Variants in SULT1C4 observed in about 807,000 individuals in gnomAD.
SULT1C4 encodes the protein sulfotransferase family 1C member 4, also known as sulfotransferase 1C4.
SULT1C4 carries 32 observed loss-of-function variants against 34.8 expected under a neutral mutation model. That is an observed-to-expected ratio of 0.92 (90% CI 0.69 to 1.23). The LOEUF (loss-of-function observed/expected upper bound fraction) is 1.23, where lower values mean the gene tolerates loss of function less well. Among genes scored for constraint, SULT1C4 ranks in the 50% most tolerant of loss-of-function variants. The pLI is 0.00. For missense variants in SULT1C4, 375 were observed against 365.9 expected (o/e 1.02, Z -0.20); for synonymous variants, 111 against 120.5 (o/e 0.92, Z 0.51).
intron 2 of SULT1C4, 118 bp from the exon 3 acceptor site, chr2:108,382,267 C>T (rs976764490): frequency 8.5e-6 from 7 of 819,198 alleles, no homozygotes; most frequent in South Asian, 3.1e-5. Context: ...ACCAGATCTA[C>T]AGTTACAATG....
chr2:108,385,686 A>G (rs1678548051), intron 5 of SULT1C4, among the ~76,000 whole-genome samples: 1 of 151,892 alleles, frequency 6.6e-6, no homozygotes, highest in Admixed American at 6.6e-5. Flanking sequence ...GTTCCACTTG[A>G]CTTGGTGGTC....
chr2:108,385,752 C>A (rs1678551418), intron 5 of SULT1C4, among the ~76,000 whole-genome samples: 1 of 152,152 alleles, frequency 6.6e-6, no homozygotes, highest in Admixed American at 6.5e-5. Flanking sequence ...AAAAAAACTT[C>A]TCTCCTCTCC....
intron 1 of SULT1C4, among the ~76,000 whole-genome samples, chr2:108,379,965 T>C (rs1009049596): frequency 5.3e-5 from 8 of 152,230 alleles, no homozygotes; most frequent in African/African-American, 1.7e-4. Context: ...TAAATTCCCA[T>C]AAAACTAGTA....
Position 108,383,356 on chromosome 2 carries a change from T to C in SULT1C4, c.521-60T>C. ...TCTCACTTCTCTTCAGGAATTCTCCTTTCAGTGGTATAATAGGACCTCTGT... is the reference window on the plus strand; with the variant it reads ...TCTCACTTCTCTTCAGGAATTCTCCCTTCAGTGGTATAATAGGACCTCTGT... On this transcript the variant is annotated intron_variant, in intron 4 of 6. Transcript: ENST00000272452. 1.9e-6 allele frequency: 3 copies of C among 1,596,476 alleles called. No homozygotes were observed. In the South Asian group the frequency reaches 3.4e-5, roughly 18 times the overall value.
chr2:108,387,190 A>G (rs1268852701), intron 6 of SULT1C4, 130 bp from the exon 7 acceptor site: 1 of 642,870 alleles, frequency 1.6e-6, no homozygotes, highest in East Asian at 2.9e-5. Context: ...CAGGATAGCA[A>G]GAGAAACGTT....
At chr2:108,380,389 C>G (rs550131388) in intron 1 of SULT1C4, among the ~76,000 whole-genome samples, 3 of 152,048 alleles carry the variant, frequency 2.0e-5, no homozygotes, top group Non-Finnish European at 4.4e-5. Context: ...GTGGTGTGCA[C>G]TCACAGTCCT....
intron 1 of SULT1C4, 120 bp downstream of exon 1, chr2:108,378,626 A>G (rs1206136316): frequency 4.4e-6 from 5 of 1,139,976 alleles, no homozygotes; most frequent in Non-Finnish European, 6.1e-6. Context: ...TGATATGGCT[A>G]AGGAAAGTTA....
In SULT1C4 at chr2:108,388,950, C is replaced by T. The variant is rs976615070; in HGVS notation, c.*1518C>T. Among the ~76,000 whole-genome samples, 3 of 152,210 alleles carry T rather than the reference C, an allele frequency of 2.0e-5. No homozygotes were observed. The highest frequency in any genetic ancestry group is 4.8e-5 in the African/African-American group (2 of 41,460). ...GAAGTCCTCTATACTTAGTGTAACT[C>T]TTCTGTGATGAAGATTAAAGTGTAT... On this transcript the variant is annotated 3_prime_UTR_variant, in exon 7 of 7. Coordinates refer to ENST00000272452, the MANE Select transcript of SULT1C4 (RefSeq NM_006588.4).
chr2:108,387,287 C>A, intron 6 of SULT1C4, 33 bp from the exon 7 acceptor site: 1 of 1,515,320 alleles, frequency 6.6e-7, no homozygotes, highest in Non-Finnish European at 9.1e-7. Flanking sequence ...CTTCCAACAG[C>A]TACTGAACCT....
rs1460776738 is a variant in SULT1C4 at position 108,388,672 on chromosome 2, T to G, written c.*1240T>G. Among the ~76,000 whole-genome samples, 1 of 152,216 alleles carries G rather than the reference T, an allele frequency of 6.6e-6. No homozygotes were observed. Among genetic ancestry groups the G allele is most frequent in the African/African-American group, 2.4e-5 (1 of 41,452 alleles). ...TTAGCCATGCATTCAAGAGCAGCTA[T>G]AACCATAATGACTCCAGCCTTCACA... is the stretch of plus-strand genomic sequence containing the variant. On this transcript the variant is annotated 3_prime_UTR_variant, in exon 7 of 7. Coordinates refer to ENST00000272452, the MANE Select transcript of SULT1C4 (RefSeq NM_006588.4).
In SULT1C4 at chr2:108,381,948, T is replaced by C. The variant is rs965356378; in HGVS notation, c.295+61T>C. 5 of 1,403,388 alleles carry C rather than the reference T, an allele frequency of 3.6e-6. No individual in the cohort carries two copies. The African/African-American group carries it at 7.4e-5, about 21-fold the overall frequency. The allele number at this position is 1,403,388 out of a possible 1,614,324, so 86.9% of individuals were successfully genotyped here. ...AAATGCACTTAGGATTTTTACTGTCTTTGCACCTTTCGAAATTATAGGCTT... is the reference window on the plus strand; with the variant it reads ...AAATGCACTTAGGATTTTTACTGTCCTTGCACCTTTCGAAATTATAGGCTT... On this transcript the variant is annotated intron_variant, in intron 2 of 6. Coordinates refer to ENST00000272452, the MANE Select transcript of SULT1C4 (RefSeq NM_006588.4).
At position 108,383,229 on chromosome 2, in the gene SULT1C4, T is replaced by C; in HGVS notation, c.520+10T>C. The C allele has an allele frequency of 6.2e-7, 1 of 1,606,770 alleles. No individual in the cohort carries two copies. Among genetic ancestry groups the C allele is most frequent in the Non-Finnish European group, 8.5e-7 (1 of 1,178,280 alleles). On this transcript the variant is annotated intron_variant, in intron 4 of 6. Coordinates refer to ENST00000272452, the MANE Select transcript of SULT1C4 (RefSeq NM_006588.4). ...TTTCTGGCTGGGAAAGGTGAGAGAA[T>C]TTAGCTTTGTTTCCCTTCGTTTCTC...
intron 1 of SULT1C4, among the ~76,000 whole-genome samples, chr2:108,381,447 T>C (rs1678389327): frequency 6.6e-6 from 1 of 151,658 alleles, no homozygotes; most frequent in Non-Finnish European, 1.5e-5. Flanking sequence ...AGCTCAGGAG[T>C]TCCAGATCAG....
In SULT1C4 at chr2:108,386,382, G is replaced by T; in HGVS notation, c.796+10G>T. The T allele has an allele frequency of 7.0e-7, 1 of 1,420,188 alleles. No individual in the cohort carries two copies. The allele number at this position is 1,420,188 out of a possible 1,614,324, so 88.0% of individuals were successfully genotyped here. A position where few individuals can be genotyped will look rare whatever the true frequency, so the allele number is the denominator to read the frequency against. On this transcript the variant is annotated intron_variant, in intron 6 of 6. Coordinates refer to ENST00000272452, the MANE Select transcript of SULT1C4 (RefSeq NM_006588.4). ...CCATTCATGAGAAAAGGTTTTTATA[G>T]TTTATTTTCATTATAATCTTAAAAG...
At chr2:108,378,726 CTTT>C (rs35046786) in intron 1 of SULT1C4, among the ~76,000 whole-genome samples, 3 of 137,946 alleles carry the variant, frequency 2.2e-5, no homozygotes, top group Non-Finnish European at 1.6e-5. Context: ...GATGTACTTC[CTTT>C]TTTTTTTTTT....
At chr2:108,384,598 T>C (rs1275709876) in intron 5 of SULT1C4, among the ~76,000 whole-genome samples, 1 of 152,228 alleles carries the variant, frequency 6.6e-6, no homozygotes, top group African/African-American at 2.4e-5. Context: ...ATTATTGAAA[T>C]CAAGTTCTGT....
chr2:108,380,630 T>C (rs1156383214), intron 1 of SULT1C4, among the ~76,000 whole-genome samples: 1 of 152,238 alleles, frequency 6.6e-6, no homozygotes, highest in East Asian at 1.9e-4. Flanking sequence ...ATTATGTTGA[T>C]AGCACAATAT....
intron 3 of SULT1C4, 48 bp downstream of exon 3, chr2:108,382,530 A>T (rs1184308769): frequency 7.1e-7 from 1 of 1,416,822 alleles, no homozygotes; most frequent in Non-Finnish European, 1.0e-6. Context: ...AAACAACCTT[A>T]GTCTTCCATT....
intron 1 of SULT1C4, 62 bp from the exon 2 acceptor site, chr2:108,381,700 T>C: frequency 1.5e-6 from 2 of 1,314,458 alleles, no homozygotes; most frequent in Non-Finnish European, 2.0e-6. Context: ...AAGTATTTGA[T>C]CATATTTTAA....
Sources: gnomAD v4.1 joint callset for allele counts (sites outside exome capture counted in the v4.1 genomes callset) on GRCh38, gnomAD v4.1.1 for gene constraint, MANE v1.5 for transcripts, NCBI Gene and HGNC (gene_info 2026-07-23, HGNC 2026-07-21) for gene names.